The following CNBD1 variants were observed in gnomAD, a reference collection of about 807,000 sequenced individuals.
CNBD1 encodes the protein cyclic nucleotide-binding domain-containing protein 1.
In CNBD1, 71 loss-of-function variants were observed where a neutral mutation model predicts 54.4. The observed-to-expected ratio is 1.30, with a 90% CI of 1.08 to 1.59. CNBD1 has a LOEUF of 1.59. Among genes scored for constraint, CNBD1 ranks in the 40% most tolerant of loss-of-function variants. The pLI, the probability that CNBD1 is intolerant of heterozygous loss-of-function variation, is 0.00. For synonymous variants in CNBD1, 182 were observed against 170.7 expected (o/e 1.07, Z -0.51); for missense variants, 659 against 518.0 (o/e 1.27, Z -2.64).
At chr8:87,408,798 A>ATC (rs1192546813) in intron 2 of CNBD1, among the ~76,000 whole-genome samples, 3 of 152,052 alleles carry the variant, frequency 2.0e-5, no homozygotes, top group African/African-American at 7.2e-5. Context: ...TTTTATCGTG[A>ATC]TCTGGGATTA....
At chr8:87,354,906 T>C (rs1012901906) in intron 10 of CNBD1, among the ~76,000 whole-genome samples, 1 of 152,176 alleles carries the variant, frequency 6.6e-6, no homozygotes, top group Admixed American at 6.5e-5. Context: ...TTTATAATCC[T>C]TTGGGTATAA....
rs375560753 is a variant in CNBD1 at position 86,949,792 on chromosome 8, C to A, written c.431+10038C>A. Among the ~76,000 whole-genome samples the A allele has an allele frequency of 1.2e-4, 18 of 151,744 alleles. No homozygotes were observed. In the East Asian group the frequency reaches 2.3e-3, roughly 20 times the overall value. ...GAAAGTGGAGATCTTTGTCATGTTC[C>A]AGATCTTAGAGAAAAAGCTTCACTT... On this transcript the variant is annotated intron_variant, in intron 4 of 10. Coordinates refer to ENST00000518476, the MANE Select transcript of CNBD1 (RefSeq NM_173538.3).
At chr8:87,328,370 A>C (rs1809738139) in intron 8 of CNBD1, among the ~76,000 whole-genome samples, 1 of 151,628 alleles carries the variant, frequency 6.6e-6, no homozygotes, top group Non-Finnish European at 1.5e-5. Flanking sequence ...ACTTTATTTA[A>C]TATTTAATAC....
At chr8:86,894,329 G>A (rs999440702) in intron 2 of CNBD1, among the ~76,000 whole-genome samples, 19 of 151,844 alleles carry the variant, frequency 1.3e-4, no homozygotes, top group African/African-American at 4.1e-4. Flanking sequence ...CCGAAGTGCT[G>A]GGATTACAGG....
At chr8:86,976,112 A>G (rs183054638) in intron 4 of CNBD1, among the ~76,000 whole-genome samples, 2 of 145,346 alleles carry the variant, frequency 1.4e-5, no homozygotes, top group East Asian at 2.0e-4. Context: ...AGTTTCTTAT[A>G]TATTTGAATA....
At chr8:87,337,831 C>T (rs1442132492) in intron 8 of CNBD1, among the ~76,000 whole-genome samples, 1 of 152,136 alleles carries the variant, frequency 6.6e-6, no homozygotes, top group Non-Finnish European at 1.5e-5. Context: ...CTGAATACCT[C>T]GGTTGCTGGG....
At chr8:87,421,489 T>C (rs1308672317) in intron 2 of CNBD1, among the ~76,000 whole-genome samples, 5 of 142,144 alleles carry the variant, frequency 3.5e-5, no homozygotes, top group Non-Finnish European at 7.6e-5. Flanking sequence ...TGTGATCTCA[T>C]TGTTCAATTC....
intron 4 of CNBD1, among the ~76,000 whole-genome samples, chr8:87,118,519 G>A (rs1222229207): frequency 6.6e-6 from 1 of 152,082 alleles, no homozygotes; most frequent in Non-Finnish European, 1.5e-5. Context: ...GGCACAATCA[G>A]TAGAGAAATT....
At chr8:87,213,020 C>A (rs1041453332) in intron 5 of CNBD1, among the ~76,000 whole-genome samples, 2 of 149,620 alleles carry the variant, frequency 1.3e-5, no homozygotes, top group Non-Finnish European at 2.9e-5. Context: ...AGACAATTAA[C>A]CCAATTTCGA....
At chr8:86,950,551 T>G (rs1807591907) in intron 4 of CNBD1, among the ~76,000 whole-genome samples, 1 of 152,134 alleles carries the variant, frequency 6.6e-6, no homozygotes, top group Non-Finnish European at 1.5e-5. Context: ...TTTGCTAGTA[T>G]TTTGTTGAGG....
At chr8:87,412,705 A>G (rs896135057) in intron 2 of CNBD1, among the ~76,000 whole-genome samples, 1 of 152,110 alleles carries the variant, frequency 6.6e-6, no homozygotes, top group African/African-American at 2.4e-5. Flanking sequence ...GGACTCATCC[A>G]GGAAAAACAT....
chr8:87,067,564 G>C (rs942349825), intron 4 of CNBD1, among the ~76,000 whole-genome samples: 3 of 152,002 alleles, frequency 2.0e-5, no homozygotes, highest in Admixed American at 6.6e-5. Flanking sequence ...AATACGGAAG[G>C]TTTCAGGGCA....
chr8:87,041,448 A>T (rs1810066017), intron 4 of CNBD1, among the ~76,000 whole-genome samples: 1 of 152,096 alleles, frequency 6.6e-6, no homozygotes, highest in Non-Finnish European at 1.5e-5. Context: ...GGAGGAGAAA[A>T]ATGTTCTTAG....
intron 4 of CNBD1, among the ~76,000 whole-genome samples, chr8:87,043,692 A>G (rs1314806321): frequency 6.6e-6 from 1 of 152,160 alleles, no homozygotes; most frequent in Non-Finnish European, 1.5e-5. Flanking sequence ...GTCTCTGCCC[A>G]ATCATTCCTT....
intron 4 of CNBD1, among the ~76,000 whole-genome samples, chr8:86,949,886 C>G (rs1807560646): frequency 6.8e-6 from 1 of 147,488 alleles, no homozygotes; most frequent in African/African-American, 2.5e-5. Context: ...AGATGTATTC[C>G]TTTTATACCC....
At chr8:86,965,006 C>T (rs1808033665) in intron 4 of CNBD1, among the ~76,000 whole-genome samples, 1 of 152,148 alleles carries the variant, frequency 6.6e-6, no homozygotes, top group Non-Finnish European at 1.5e-5. Flanking sequence ...GGTGCTTAGA[C>T]CTAAGTTGTC....
At chr8:87,013,440 C>A (rs1434375299) in intron 4 of CNBD1, among the ~76,000 whole-genome samples, 1 of 152,028 alleles carries the variant, frequency 6.6e-6, no homozygotes, top group Non-Finnish European at 1.5e-5. Flanking sequence ...TCTTTGTGCA[C>A]AGTTTACTTT....
chr8:87,003,663 C>T (rs918932706), intron 4 of CNBD1, among the ~76,000 whole-genome samples: 2 of 152,006 alleles, frequency 1.3e-5, no homozygotes, highest in African/African-American at 4.8e-5. Context: ...GCATTGAGAA[C>T]ACAGGTACTA....
chr8:87,259,653 G>A (rs538012604), intron 6 of CNBD1, among the ~76,000 whole-genome samples: 3 of 152,104 alleles, frequency 2.0e-5, no homozygotes, highest in East Asian at 1.9e-4. Context: ...CAGACAGAAC[G>A]AGATTACTAC....
Sources: allele counts gnomAD v4.1 joint callset (sites outside exome capture counted in the v4.1 genomes callset), GRCh38; gene constraint gnomAD v4.1.1; transcripts MANE v1.5; gene names NCBI Gene and HGNC (gene_info 2026-07-23, HGNC 2026-07-21).